The following PTPRN2 variants were observed in gnomAD, a reference collection of about 807,000 sequenced individuals.
PTPRN2 encodes protein tyrosine phosphatase receptor type N2.
PTPRN2 carries 74 observed loss-of-function variants against 118.8 expected under a neutral mutation model. That is an observed-to-expected ratio of 0.62 (90% CI 0.52 to 0.76). The LOEUF (loss-of-function observed/expected upper bound fraction) is 0.76, where lower values mean the gene tolerates loss of function less well. PTPRN2 is among the 30% of genes least tolerant of loss of function. PTPRN2 has a pLI of 0.00. For synonymous variants in PTPRN2, 641 were observed against 608.0 expected (o/e 1.05, Z -0.80); for missense variants, 1,481 against 1,394.4 (o/e 1.06, Z -0.99).
At chr7:158,440,938 GTGGTGATGA>G (rs1817002483) in intron 2 of PTPRN2, among the ~76,000 whole-genome samples, 1 of 148,874 alleles carries the variant, frequency 6.7e-6, no homozygotes. Flanking sequence ...GGTGATGGTG[GTGGTGATGA>G]TGGTGATGGG....
At chr7:157,940,859 A>G (rs1298147222) in intron 11 of PTPRN2, among the ~76,000 whole-genome samples, 1 of 20,146 alleles carries the variant, frequency 5.0e-5, no homozygotes, top group Non-Finnish European at 7.3e-5. Context: ...ACTCTCCCCC[A>G]CAACACTGCA....
At position 157,874,029 on chromosome 7, in the gene PTPRN2, C is replaced by T. The variant is rs1473512520; in HGVS notation, c.1788+24644G>A. 1.3e-5 allele frequency among the ~76,000 whole-genome samples: 2 copies of T among 152,292 alleles called. No homozygotes were observed. The highest frequency in any genetic ancestry group is 2.1e-4 in the South Asian group (1 of 4,832). On this transcript the variant is annotated intron_variant, in intron 12 of 22. Transcript: ENST00000389418. The surrounding 1 kb of genome is among the most constrained non-coding windows in gnomAD (Gnocchi z 5.8). The stretch of plus-strand genomic sequence containing the variant: ...GCCTCGGGAAGAGCTCTCGGGACCT[C>T]GGGGGAGTGAGGTGGCCCAGGCCTG...
chr7:158,523,798 CGTCTGCCCTGGAGTGGA>C, intron 1 of PTPRN2, among the ~76,000 whole-genome samples: 4 of 48,868 alleles, frequency 8.2e-5, no homozygotes, highest in African/African-American at 1.1e-4. Flanking sequence ...GGAGTGGAGT[CGTCTGCCCTGGAGTGGA>C]GTCTGCCCTG....
intron 2 of PTPRN2, among the ~76,000 whole-genome samples, chr7:158,392,362 G>A (rs980840355): frequency 2.0e-5 from 3 of 152,304 alleles, no homozygotes; most frequent in East Asian, 1.9e-4. Flanking sequence ...GTGGCTGAGC[G>A]GCAGGCACAG....
At chr7:158,179,378 T>G (rs1419850645) in intron 5 of PTPRN2, among the ~76,000 whole-genome samples, 1 of 152,184 alleles carries the variant, frequency 6.6e-6, no homozygotes, top group African/African-American at 2.4e-5. Context: ...ATTGTTTGAG[T>G]TCCTTGTAGA....
chr7:158,481,740 A>T (rs1161207347), intron 2 of PTPRN2, among the ~76,000 whole-genome samples: 3 of 152,232 alleles, frequency 2.0e-5, no homozygotes, highest in African/African-American at 4.8e-5. Flanking sequence ...GGGATTACAG[A>T]CATGAGCCAC....
intron 11 of PTPRN2, among the ~76,000 whole-genome samples, chr7:158,014,830 C>T (rs1345448858): frequency 2.0e-5 from 3 of 151,862 alleles, no homozygotes; most frequent in Non-Finnish European, 4.4e-5. Context: ...CACATCCATC[C>T]ACCACACATC....
intron 2 of PTPRN2, among the ~76,000 whole-genome samples, chr7:158,449,198 C>G (rs1373988107): frequency 2.8e-4 from 43 of 152,152 alleles, no homozygotes; most frequent in Non-Finnish European, 5.9e-5. Flanking sequence ...CCAGGTCATG[C>G]GTGGGGTAGG....
intron 2 of PTPRN2, among the ~76,000 whole-genome samples, chr7:158,384,312 A>G (rs1811170573): frequency 1.3e-5 from 2 of 152,162 alleles, no homozygotes; most frequent in South Asian, 4.1e-4. Flanking sequence ...AGACACCAAC[A>G]CATCTCTCAG....
At position 158,416,389 on chromosome 7, in the gene PTPRN2, C is replaced by T. The variant is rs1296050896; in HGVS notation, c.163+73346G>A. Among the ~76,000 whole-genome samples the T allele has an allele frequency of 3.9e-5, 6 of 152,326 alleles. 1 individual carries two copies. Among genetic ancestry groups the T allele is most frequent in the East Asian group, 3.9e-4 (2 of 5,182 alleles). On this transcript the variant is annotated intron_variant, in intron 2 of 22. Coordinates refer to ENST00000389418, the MANE Select transcript of PTPRN2 (RefSeq NM_002847.5). ...GATTTCAATTACATGGCATGTTAAC[C>T]GAGTAACTACATAAAGTACAAAGTG... is the stretch of plus-strand genomic sequence containing the variant.
intron 11 of PTPRN2, among the ~76,000 whole-genome samples, chr7:158,004,044 C>G (rs1229129221): frequency 2.0e-5 from 3 of 152,168 alleles, no homozygotes; most frequent in Non-Finnish European, 4.4e-5. Context: ...GGAGCAGCCC[C>G]CATGGCTGCT....
chr7:158,118,908 GC>G (rs1301403245), intron 9 of PTPRN2, among the ~76,000 whole-genome samples: 3 of 152,088 alleles, frequency 2.0e-5, no homozygotes, highest in East Asian at 3.9e-4. Flanking sequence ...TTGCCATGTT[GC>G]CCAGGCTGGT....
chr7:157,693,171 C>T (rs1206027797), intron 12 of PTPRN2, among the ~76,000 whole-genome samples: 1 of 152,014 alleles, frequency 6.6e-6, no homozygotes, highest in African/African-American at 2.4e-5. Context: ...GGGGAGGGGG[C>T]TCGGAGGAGG....
intron 6 of PTPRN2, among the ~76,000 whole-genome samples, chr7:158,163,583 CTCTGTA>C (rs1822574456): frequency 1.4e-5 from 2 of 146,060 alleles, no homozygotes; most frequent in African/African-American, 2.5e-5. Context: ...TCTCAATATT[CTCTGTA>C]TATTTCATAG....
chr7:158,070,295 G>A (rs1470494379), intron 11 of PTPRN2, among the ~76,000 whole-genome samples: 2 of 143,784 alleles, frequency 1.4e-5, no homozygotes, highest in Non-Finnish European at 2.9e-5. Flanking sequence ...TGCTCGTGGT[G>A]GTGGAGGTGC....
intron 1 of PTPRN2, among the ~76,000 whole-genome samples, chr7:158,528,704 G>T (rs1412111349): frequency 1.3e-5 from 2 of 151,632 alleles, no homozygotes; most frequent in Non-Finnish European, 2.9e-5. Flanking sequence ...TGAGGCAGGA[G>T]AGTGGCATGA....
chr7:158,290,112 G>A (rs1161372931), intron 3 of PTPRN2, among the ~76,000 whole-genome samples: 1 of 152,194 alleles, frequency 6.6e-6, no homozygotes, highest in Non-Finnish European at 1.5e-5. Context: ...TTGTGGGGGT[G>A]AGCCTGGGTC....
intron 10 of PTPRN2, among the ~76,000 whole-genome samples, chr7:158,095,267 T>C (rs1008324155): frequency 6.6e-6 from 1 of 150,796 alleles, no homozygotes; most frequent in Non-Finnish European, 1.5e-5. Context: ...CCAAGCAGGG[T>C]ATCTAGTATT....
At chr7:158,138,087 T>C (rs1585574490) in intron 7 of PTPRN2, among the ~76,000 whole-genome samples, 1 of 152,224 alleles carries the variant, frequency 6.6e-6, no homozygotes, top group East Asian at 1.9e-4. Flanking sequence ...CAATTTGCCA[T>C]TCAACATAAT....
Sources: gnomAD v4.1 joint callset for allele counts (sites outside exome capture counted in the v4.1 genomes callset) on GRCh38, gnomAD v4.1.1 for gene constraint, Gnocchi (gnomAD v3.1) non-coding constraint, MANE v1.5 for transcripts, NCBI Gene and HGNC (gene_info 2026-07-23, HGNC 2026-07-21) for gene names.